Variants in ECPAS observed in about 807,000 individuals in gnomAD.
ECPAS encodes Ecm29 proteasome adaptor and scaffold.
A neutral mutation model predicts 255.1 loss-of-function variants in ECPAS; 70 were observed. The ratio of observed to expected loss-of-function variants is 0.27; its 90% CI spans 0.23 to 0.33. The LOEUF (loss-of-function observed/expected upper bound fraction) is 0.33, where lower values mean the gene tolerates loss of function less well. Among genes scored for constraint, ECPAS ranks in the 10% least tolerant of loss-of-function variants. The probability of loss-of-function intolerance (pLI) is 1.00; values close to 1 mark genes in which losing one functional copy is unlikely to be tolerated. For missense variants in ECPAS, 1,817 were observed against 2,206.4 expected, an observed-to-expected ratio of 0.82 and a Z score of 3.54; for synonymous variants, 784 against 775.0, an observed-to-expected ratio of 1.01 and a Z score of -0.19.
rs373136161 is a variant in ECPAS at position 111,421,913 on chromosome 9, G to T, written c.1455+8C>A. On this transcript the variant is annotated splice_region_variant and intron_variant, in intron 15 of 49. Coordinates refer to ENST00000684092, the MANE Select transcript of ECPAS (RefSeq NM_001364929.1). ...ACTACCCAGGCTTTGTAGTTCACAC[G>T]GACCTACCTTTATTAAGTACGAAGC... is the stretch of plus-strand genomic sequence containing the variant. 6.2e-7 allele frequency: 1 copy of T among 1,612,392 alleles called. No homozygotes were observed. Among genetic ancestry groups the T allele is most frequent in the African/African-American group, 1.3e-5 (1 of 74,812 alleles).
Position 111,360,761 on chromosome 9 carries a change from GACC to G in ECPAS, c.*1266_*1268del, listed in dbSNP as rs1373106429. ...AGTTTGAAATACATTGGTCAATAGA[GACC>G]ACCAAAAATAATAAACATGGAGTTT... On this transcript the variant is annotated 3_prime_UTR_variant, in exon 50 of 50. Transcript: ENST00000684092. 1 of 152,092 alleles carries G rather than the reference GACC, an allele frequency of 6.6e-6. No individual in the cohort carries two copies. Among genetic ancestry groups the G allele is most frequent in the Non-Finnish European group, 1.5e-5 (1 of 68,008 alleles). The allele number at this position is 152,092 out of a possible 1,614,324, so 9.4% of individuals were successfully genotyped here. A position where few individuals can be genotyped will look rare whatever the true frequency, so the allele number is the denominator to read the frequency against.
At chr9:111,483,553 G>A (rs1045382912) in intron 1 of ECPAS, 13 of 971,332 alleles carry the variant, frequency 1.3e-5, no homozygotes, top group Middle Eastern at 5.3e-4. Flanking sequence ...TGTTGCGCCG[G>A]GGAGGGAACG....
rs183836584 is a variant in ECPAS at position 111,370,706 on chromosome 9, T to A, written c.4781+16A>T. ...TCCAGTTTAAGAAATGGCATCTTCATTGAAAGAACATTTACCTGCAAGCTG... is the reference window on the plus strand; with the variant it reads ...TCCAGTTTAAGAAATGGCATCTTCAATGAAAGAACATTTACCTGCAAGCTG... On this transcript the variant is annotated intron_variant, in intron 44 of 49. Transcript: ENST00000684092. The A allele has an allele frequency of 5.6e-6, 9 of 1,606,938 alleles. No individual in the cohort carries two copies. In the African/African-American group the frequency reaches 1.2e-4, roughly 21 times the overall value.
chr9:111,462,691 T>G (rs2098274540), intron 2 of ECPAS, among the ~76,000 whole-genome samples: 4 of 151,508 alleles, frequency 2.6e-5, no homozygotes, highest in Admixed American at 2.0e-4. Context: ...TAATCCTAAC[T>G]ATAATTCATA....
intron 36 of ECPAS, 81 bp from the exon 37 acceptor site, chr9:111,376,622 C>T (rs2098133625): frequency 9.8e-7 from 1 of 1,015,936 alleles, no homozygotes; most frequent in Non-Finnish European, 1.5e-6. Context: ...AAGACTTTCA[C>T]TTCCAAGCTA....
chr9:111,482,859 C>G (rs1238972198), intron 1 of ECPAS, among the ~76,000 whole-genome samples: 1 of 151,892 alleles, frequency 6.6e-6, no homozygotes, highest in Non-Finnish European at 1.5e-5. Flanking sequence ...GGGTGACCAC[C>G]GCTCTCCCCA....
At chr9:111,448,638 A>G (rs962266339) in intron 3 of ECPAS, among the ~76,000 whole-genome samples, 8 of 152,236 alleles carry the variant, frequency 5.3e-5, no homozygotes, top group African/African-American at 1.7e-4. Context: ...GCCTTAGCGC[A>G]TGCTGAGCTC....
In ECPAS at chr9:111,439,517, G is replaced by GC. The variant is rs966304608; in HGVS notation, c.539+854dup. On this transcript the variant is annotated intron_variant, in intron 6 of 49. Coordinates refer to ENST00000684092, the MANE Select transcript of ECPAS (RefSeq NM_001364929.1). Reference sequence around the variant, plus strand: ...CTTCTGGGCTCAAGGGATCTGTTCGGCCCCCCCTTCCCAAAGTGCTGAGAT... The same window carrying GC: ...CTTCTGGGCTCAAGGGATCTGTTCGGCCCCCCCCTTCCCAAAGTGCTGAGAT... 1.6e-4 allele frequency among the ~76,000 whole-genome samples: 25 copies of GC among 152,104 alleles called. No individual in the cohort carries two copies. In the East Asian group the frequency reaches 1.9e-3, roughly 12 times the overall value.
In ECPAS at chr9:111,444,393, T is replaced by C. The variant is rs2098250072; in HGVS notation, c.255A>G (p.Ala85=). Residue 85 remains alanine (A), a synonymous_variant, in exon 4 of 50, where the codon GCA becomes GCG. Transcript: ENST00000684092. ...CAACACTCACTGTGACAAAGGAAAC[T>C]GCAGCAGGGTCCTGGTACTGAACCA... ...TLLVQYQDPA[A]VSFVTNFTII... The C allele has an allele frequency of 7.4e-6, 12 of 1,610,798 alleles. No individual in the cohort carries two copies. Among genetic ancestry groups the C allele is most frequent in the Admixed American group, 3.4e-5 (2 of 59,498 alleles).
intron 48 of ECPAS, among the ~76,000 whole-genome samples, chr9:111,364,291 T>C (rs1235427798): frequency 6.6e-6 from 1 of 152,118 alleles, no homozygotes; most frequent in African/African-American, 2.4e-5. Context: ...TGCTACAAAG[T>C]ACAAAAGTGC....
At chr9:111,458,148 C>G (rs148824234) in intron 2 of ECPAS, among the ~76,000 whole-genome samples, 5 of 152,234 alleles carry the variant, frequency 3.3e-5, no homozygotes, top group Non-Finnish European at 5.9e-5. Context: ...ACTAATGATT[C>G]TCTCCGAGAG....
intron 48 of ECPAS, 62 bp from the exon 49 acceptor site, chr9:111,363,721 A>C: frequency 1.3e-6 from 1 of 793,370 alleles, no homozygotes; most frequent in Non-Finnish European, 2.1e-6. Context: ...CCAAGATTAA[A>C]TTTGTGTTGC....
At chr9:111,372,361 C>T (rs1033133499) in intron 42 of ECPAS, 68 bp downstream of exon 42, 8 of 1,407,854 alleles carry the variant, frequency 5.7e-6, no homozygotes, top group Middle Eastern at 1.8e-4. Context: ...TTATGAATAA[C>T]GAATGCAAGT....
chr9:111,363,486 A>G (rs2098116461), intron 49 of ECPAS, 102 bp downstream of exon 49: 2 of 648,934 alleles, frequency 3.1e-6, no homozygotes, highest in Non-Finnish European at 5.4e-6. Flanking sequence ...TTTGTATTTC[A>G]GAGTATATGC....
In ECPAS at chr9:111,442,365, A is replaced by G. The variant is rs752914446; in HGVS notation, c.330T>C (p.Cys110=). Residue 110 remains cysteine, a synonymous_variant, in exon 5 of 50, where the codon TGT becomes TGC. Coordinates refer to ENST00000684092, the MANE Select transcript of ECPAS (RefSeq NM_001364929.1). ...CAGTAAGAAGCGTAGGGGCCAGTTC[A>G]CATTGTTTTTCCACTGGTAGGCGAG... The part of the protein sequence containing the change: ...GYPRLPVEKQ[C]ELAPTLLTAM... The G allele has an allele frequency of 1.2e-6, 2 of 1,613,230 alleles. No homozygotes were observed. The highest frequency in any genetic ancestry group is 2.2e-5 in the South Asian group (2 of 90,770).
chr9:111,442,536 C>T (rs1277000375), intron 4 of ECPAS, 112 bp from the exon 5 acceptor site: 15 of 700,046 alleles, frequency 2.1e-5, no homozygotes, highest in Admixed American at 1.1e-4. Flanking sequence ...ACATTGTAAA[C>T]GTGACTCATC....
Position 111,413,957 on chromosome 9 carries a change from C to A in ECPAS, c.2017G>T (p.Ala673Ser). 1 of 1,587,970 alleles carries A rather than the reference C, an allele frequency of 6.3e-7. No homozygotes were observed. The highest frequency in any genetic ancestry group is 8.6e-7 in the Non-Finnish European group (1 of 1,165,782). Reference sequence around the variant, plus strand: ...AGCTTTTCTGGATACACTGACACAGCTTCCAATAGACAGTACATAACCGGC... The same window carrying A: ...AGCTTTTCTGGATACACTGACACAGATTCCAATAGACAGTACATAACCGGC... ...GLPVMYCLLE[A>S]VSVYPEKLAT... The change falls in exon 20 of 50, where the codon GCT (alanine) becomes TCT (serine). Residue 673 changes from alanine to serine, a missense_variant. Around this residue, in one of 4 missense-constraint regions of ECPAS, gnomAD observed 573 missense variants for 716.2 expected, o/e 0.80. Transcript: ENST00000684092.
At chr9:111,409,550 G>A (rs572469622) in intron 23 of ECPAS, among the ~76,000 whole-genome samples, 3 of 150,014 alleles carry the variant, frequency 2.0e-5, no homozygotes, top group African/African-American at 2.5e-5. Context: ...AGCAGCAAGA[G>A]CAAAACTCCA....
intron 36 of ECPAS, among the ~76,000 whole-genome samples, chr9:111,376,968 C>A (rs2098134026): frequency 6.6e-6 from 1 of 152,168 alleles, no homozygotes; most frequent in African/African-American, 2.4e-5. Context: ...TTTAATCTAA[C>A]AACTGTGCTG....
Sources: gnomAD v4.1 joint callset for allele counts (sites outside exome capture counted in the v4.1 genomes callset) on GRCh38, gnomAD v4.1.1 for gene constraint, gnomAD v4.1.1 regional missense constraint, MANE v1.5 for transcripts, NCBI Gene and HGNC (gene_info 2026-07-23, HGNC 2026-07-21) for gene names.